Variants in MTSS1 observed in about 807,000 individuals in gnomAD.
The protein encoded by MTSS1 is protein MTSS 1.
In MTSS1, 18 loss-of-function variants were observed where a neutral mutation model predicts 79.0. That is an observed-to-expected ratio of 0.23 (90% confidence interval 0.16 to 0.34). MTSS1 has a LOEUF of 0.34. MTSS1 is among the 10% of genes least tolerant of loss of function. MTSS1 has a pLI of 1.00. For synonymous variants in MTSS1, 341 were observed against 368.6 expected (o/e 0.93, Z 0.86); for missense variants, 815 against 986.2 (o/e 0.83, Z 2.33).
chr8:124,569,426 C>G (rs112683768), intron 6 of MTSS1, among the ~76,000 whole-genome samples: 20 of 152,290 alleles, frequency 1.3e-4, no homozygotes, highest in African/African-American at 4.3e-4. Flanking sequence ...GAGTATGGCC[C>G]CCAGACCATG....
intron 3 of MTSS1, among the ~76,000 whole-genome samples, chr8:124,659,758 T>G (rs1821647220): frequency 6.6e-6 from 1 of 152,220 alleles, no homozygotes. Context: ...GGACAACACC[T>G]GGGCCGCTCC....
intron 3 of MTSS1, among the ~76,000 whole-genome samples, chr8:124,643,280 A>G (rs1818395656): frequency 6.6e-6 from 1 of 152,226 alleles, no homozygotes; most frequent in Non-Finnish European, 1.5e-5. Context: ...AGCATCATTT[A>G]GAATACTGGA....
At position 124,556,353 on chromosome 8, in the gene MTSS1, C is replaced by G. The variant is rs1252270636; in HGVS notation, c.1283G>C (p.Arg428Pro). 1 of 1,614,000 alleles carries G rather than the reference C, an allele frequency of 6.2e-7. No homozygotes were observed. The highest frequency in any genetic ancestry group is 1.3e-5 in the African/African-American group (1 of 74,928). Residue 428 changes from arginine to proline, a missense_variant, in exon 12 of 14, where the codon CGC becomes CCC. This residue lies in a region of MTSS1 where 590 missense variants were observed against 620.8 expected (regional missense o/e 0.95). Transcript: ENST00000518547. ...YDQPLVNTLQRRKEKREPDPN... is the reference protein window; with the variant it reads ...YDQPLVNTLQPRKEKREPDPN... Reference sequence around the variant, plus strand: ...GTCCGGTTCTCGCTTCTCTTTGCGGCGCTGCAGGGTGTTCACCAGAGGCTG... The same window carrying G: ...GTCCGGTTCTCGCTTCTCTTTGCGGGGCTGCAGGGTGTTCACCAGAGGCTG...
chr8:124,618,355 T>C (rs971735166), intron 3 of MTSS1, among the ~76,000 whole-genome samples: 2 of 152,222 alleles, frequency 1.3e-5, no homozygotes, highest in South Asian at 4.1e-4. Flanking sequence ...CTTTTCTGTT[T>C]CACAACATTT....
intron 3 of MTSS1, among the ~76,000 whole-genome samples, chr8:124,599,913 C>T (rs1424966337): frequency 6.6e-6 from 1 of 152,088 alleles, no homozygotes; most frequent in African/African-American, 2.4e-5. Flanking sequence ...AGCAGAGAAC[C>T]ACAGGGTGAA....
At chr8:124,557,926 A>G (rs1391374445) in intron 10 of MTSS1, 51 bp from the exon 11 acceptor site, 7 of 1,416,006 alleles carry the variant, frequency 4.9e-6, no homozygotes, top group Middle Eastern at 2.0e-4. Flanking sequence ...TTAATATAAC[A>G]GGATGAGTGC....
chr8:124,686,200 C>T (rs554318795), intron 3 of MTSS1, among the ~76,000 whole-genome samples: 1 of 152,320 alleles, frequency 6.6e-6, no homozygotes, highest in African/African-American at 2.4e-5. Context: ...GCAGAGGGGG[C>T]CTGCAGCCGC....
intron 3 of MTSS1, among the ~76,000 whole-genome samples, chr8:124,662,846 G>A (rs559028589): frequency 6.6e-6 from 1 of 152,122 alleles, no homozygotes; most frequent in African/African-American, 2.4e-5. Flanking sequence ...TACAATTGTC[G>A]TGGTATCCAA....
At chr8:124,709,273 C>G (rs763239123) in intron 1 of MTSS1, among the ~76,000 whole-genome samples, 14 of 152,180 alleles carry the variant, frequency 9.2e-5, no homozygotes, top group Non-Finnish European at 1.6e-4. Flanking sequence ...GTTTTTGCAT[C>G]TGCATCCACC....
At chr8:124,723,522 G>A (rs911889142) in intron 1 of MTSS1, among the ~76,000 whole-genome samples, 1 of 151,922 alleles carries the variant, frequency 6.6e-6, no homozygotes, top group African/African-American at 2.4e-5. Flanking sequence ...ATAGGGAGGG[G>A]GTTTTCACAA....
chr8:124,625,738 C>T (rs887940940), intron 3 of MTSS1, among the ~76,000 whole-genome samples: 1 of 152,194 alleles, frequency 6.6e-6, no homozygotes, highest in Non-Finnish European at 1.5e-5. Context: ...GCTATGCTGC[C>T]TTCTTTAAAT....
At chr8:124,619,883 G>T (rs1813128196) in intron 3 of MTSS1, among the ~76,000 whole-genome samples, 2 of 151,850 alleles carry the variant, frequency 1.3e-5, no homozygotes, top group African/African-American at 4.9e-5. Context: ...TCAGCGGCAG[G>T]CCTGGTTTTC....
intron 3 of MTSS1, among the ~76,000 whole-genome samples, chr8:124,686,788 A>G (rs367806776): frequency 1.3e-5 from 2 of 152,172 alleles, no homozygotes; most frequent in African/African-American, 2.4e-5. Flanking sequence ...CCTGGTCTCA[A>G]TTCTGAGGTG....
At chr8:124,635,846 C>T (rs1816880228) in intron 3 of MTSS1, among the ~76,000 whole-genome samples, 1 of 152,054 alleles carries the variant, frequency 6.6e-6, no homozygotes, top group Admixed American at 6.6e-5. Context: ...TGCCTTCCAT[C>T]TAGTTGCTAA....
chr8:124,565,777 G>A lies in MTSS1; in HGVS notation c.727-18C>T. On this transcript the variant is annotated intron_variant, in intron 8 of 13. Coordinates refer to ENST00000518547, the MANE Select transcript of MTSS1 (RefSeq NM_014751.6). The stretch of plus-strand genomic sequence containing the variant: ...AGAATCACCTAAGGGGACAGAGCCA[G>A]CTGGGTGAATGAGGTGCTGAGAGGG... 6.3e-7 allele frequency: 1 copy of A among 1,593,672 alleles called. No homozygotes were observed. Among genetic ancestry groups the A allele is most frequent in the Non-Finnish European group, 8.6e-7 (1 of 1,162,320 alleles).
intron 3 of MTSS1, among the ~76,000 whole-genome samples, chr8:124,687,888 T>G (rs191473211): frequency 1.3e-5 from 2 of 152,392 alleles, no homozygotes; most frequent in East Asian, 1.9e-4. Context: ...TTTTTCATTT[T>G]ACTTGTAATC....
At chr8:124,567,674 G>A in intron 7 of MTSS1, 1 of 1,438,036 alleles carries the variant, frequency 7.0e-7, no homozygotes, top group Non-Finnish European at 9.1e-7. Context: ...AGTAAGACAG[G>A]AGCTGGGGAC....
intron 3 of MTSS1, among the ~76,000 whole-genome samples, chr8:124,690,457 T>C (rs1421496094): frequency 6.6e-6 from 1 of 152,180 alleles, no homozygotes; most frequent in Non-Finnish European, 1.5e-5. Flanking sequence ...AGGATATGTT[T>C]TGGTAAATGT....
At chr8:124,556,083 A>G (rs1234157567) in intron 12 of MTSS1, 149 bp downstream of exon 12, 3 of 1,546,428 alleles carry the variant, frequency 1.9e-6, no homozygotes, top group East Asian at 2.4e-5. Context: ...TTTTTTTCCC[A>G]GGGACTTTGC....
Sources: gnomAD v4.1 joint callset for allele counts (sites outside exome capture counted in the v4.1 genomes callset) on GRCh38, gnomAD v4.1.1 for gene constraint, gnomAD v4.1.1 regional missense constraint, MANE v1.5 for transcripts, NCBI Gene and HGNC (gene_info 2026-07-23, HGNC 2026-07-21) for gene names.